Variants in ZNF420 observed in about 807,000 individuals in gnomAD.
ZNF420 encodes the protein ATM and p53-associated KZNF protein.
Under a neutral mutation model 44.7 loss-of-function variants are expected in ZNF420, and 31 were observed. The observed-to-expected ratio is 0.69, with a 90% CI of 0.52 to 0.94. The LOEUF (loss-of-function observed/expected upper bound fraction) is 0.94. Ranked by LOEUF, ZNF420 falls within the 40% of genes least tolerant of loss-of-function variation. The pLI, the probability that ZNF420 is intolerant of heterozygous loss-of-function variation, is 0.00. For synonymous variants in ZNF420, 245 were observed against 267.4 expected (o/e 0.92, Z 0.82); for missense variants, 681 against 827.9 (o/e 0.82, Z 2.18).
chr19:37,060,620 G>A (rs1207701365), intron 1 of ZNF420, among the ~76,000 whole-genome samples: 2 of 151,926 alleles, frequency 1.3e-5, no homozygotes, highest in Non-Finnish European at 2.9e-5. Context: ...CTGCTTGATT[G>A]GGTAGGTTTG....
intron 1 of ZNF420, among the ~76,000 whole-genome samples, chr19:37,049,492 C>T (rs548937870): frequency 6.6e-6 from 1 of 152,208 alleles, no homozygotes; most frequent in East Asian, 1.9e-4. Flanking sequence ...TTTCATGTGT[C>T]TTTTGGCTGC....
At chr19:37,124,338 G>A (rs1313947223) in intron 4 of ZNF420, among the ~76,000 whole-genome samples, 1 of 152,174 alleles carries the variant, frequency 6.6e-6, no homozygotes. Context: ...ACCTGGAATG[G>A]CCAAAGTTTG....
At chr19:37,020,653 C>T (rs1347513880) in intron 1 of ZNF420, among the ~76,000 whole-genome samples, 1 of 152,176 alleles carries the variant, frequency 6.6e-6, no homozygotes, top group East Asian at 1.9e-4. Context: ...CCAAGTGTCC[C>T]TTAGTCAATA....
chr19:37,053,190 C>T (rs991457737), intron 1 of ZNF420, among the ~76,000 whole-genome samples: 14 of 152,150 alleles, frequency 9.2e-5, no homozygotes, highest in Admixed American at 2.0e-4. Context: ...ACATAGTTTT[C>T]GTGCCTTGGC....
intron 4 of ZNF420, among the ~76,000 whole-genome samples, chr19:37,099,306 G>A (rs999937553): frequency 3.9e-5 from 6 of 152,014 alleles, no homozygotes; most frequent in Non-Finnish European, 8.8e-5. Flanking sequence ...CCAAGAGTGT[G>A]TAAGAGTTCC....
At chr19:37,033,474 A>G (rs1967299281) in intron 1 of ZNF420, among the ~76,000 whole-genome samples, 1 of 152,202 alleles carries the variant, frequency 6.6e-6, no homozygotes. Context: ...AGTTTTTTGT[A>G]TCCAGCTTCT....
intron 1 of ZNF420, among the ~76,000 whole-genome samples, chr19:37,011,815 G>A (rs2074571419): frequency 6.6e-6 from 1 of 152,116 alleles, no homozygotes; most frequent in South Asian, 2.1e-4. Flanking sequence ...ACGTGTGGTC[G>A]CATTGGCTCC....
chr19:37,052,687 G>GC (rs1008102132), intron 1 of ZNF420, among the ~76,000 whole-genome samples: 5 of 152,120 alleles, frequency 3.3e-5, no homozygotes, highest in African/African-American at 1.2e-4. Context: ...TTGAATATTG[G>GC]CCCCCACTCT....
intron 1 of ZNF420, among the ~76,000 whole-genome samples, chr19:37,043,611 A>T (rs1399088138): frequency 2.6e-5 from 4 of 151,928 alleles, no homozygotes; most frequent in Non-Finnish European, 5.9e-5. Flanking sequence ...AGTAGCTGGG[A>T]CTACAGGCCC....
chr19:37,034,850 A>G (rs553291539), intron 1 of ZNF420, among the ~76,000 whole-genome samples: 1 of 152,246 alleles, frequency 6.6e-6, no homozygotes, highest in Non-Finnish European at 1.5e-5. Flanking sequence ...CATGTAAACA[A>G]GGTACAGAGA....
At chr19:37,097,667 A>C (rs965249488) in intron 4 of ZNF420, among the ~76,000 whole-genome samples, 3 of 152,150 alleles carry the variant, frequency 2.0e-5, no homozygotes, top group African/African-American at 7.2e-5. Context: ...CATTTCTTGA[A>C]ATCATGCTAT....
intron 1 of ZNF420, among the ~76,000 whole-genome samples, chr19:37,021,891 C>T (rs918240983): frequency 7.6e-5 from 10 of 132,294 alleles, no homozygotes; most frequent in South Asian, 2.4e-4. Flanking sequence ...GAGCCGAGAT[C>T]GTGCCACTAA....
At chr19:37,075,697 G>A (rs989553839), upstream of ZNF420, among the ~76,000 whole-genome samples, 4 of 151,998 alleles carry the variant, frequency 2.6e-5, no homozygotes, top group Non-Finnish European at 5.9e-5. Context: ...AGCTGAGAGC[G>A]CACCACTGCA....
At chr19:37,059,338 T>C (rs1353396087) in intron 1 of ZNF420, among the ~76,000 whole-genome samples, 3 of 152,304 alleles carry the variant, frequency 2.0e-5, no homozygotes, top group South Asian at 4.1e-4. Context: ...GCCTGACTTC[T>C]AGGAGCGGAG....
intron 4 of ZNF420, among the ~76,000 whole-genome samples, chr19:37,118,665 A>G (rs1274588484): frequency 2.0e-5 from 3 of 149,800 alleles, no homozygotes; most frequent in African/African-American, 7.4e-5. Flanking sequence ...ATTAAAAGAC[A>G]CAGACTGGCA....
intron 4 of ZNF420, among the ~76,000 whole-genome samples, chr19:37,118,398 C>T (rs1050008011): frequency 2.0e-4 from 31 of 152,160 alleles, no homozygotes; most frequent in African/African-American, 7.2e-4. Flanking sequence ...GAAGTAAAAT[C>T]CTTTACAGAC....
chr19:37,037,105 C>T (rs529594839), intron 1 of ZNF420, among the ~76,000 whole-genome samples: 1 of 152,112 alleles, frequency 6.6e-6, no homozygotes, highest in South Asian at 2.1e-4. Context: ...ATCCACATTT[C>T]TCACCCCTTC....
chr19:37,087,334 T>A (rs1013023690), intron 2 of ZNF420, among the ~76,000 whole-genome samples: 71 of 145,740 alleles, frequency 4.9e-4, no homozygotes, highest in African/African-American at 1.3e-3. Context: ...AATAAATAAA[T>A]AAAAATTAAG....
intron 1 of ZNF420, among the ~76,000 whole-genome samples, chr19:37,018,222 A>G (rs531782302): frequency 7.2e-5 from 11 of 152,350 alleles, no homozygotes; most frequent in African/African-American, 2.6e-4. Flanking sequence ...TGTCAATACT[A>G]TCTAAAGCCA....
Sources: allele counts gnomAD v4.1 joint callset (sites outside exome capture counted in the v4.1 genomes callset), GRCh38; gene constraint gnomAD v4.1.1; transcripts MANE v1.5; gene names NCBI Gene and HGNC (gene_info 2026-07-23, HGNC 2026-07-21).